The following CDH23 variants were observed in gnomAD, a reference collection of about 807,000 sequenced individuals.
CDH23 encodes the protein cadherin related 23.
In CDH23, 189 loss-of-function variants were observed where a neutral mutation model predicts 317.1. That is an observed-to-expected ratio of 0.60 (90% CI 0.53 to 0.67). CDH23 has a LOEUF of 0.67. Ranked by LOEUF, CDH23 falls within the 30% of genes least tolerant of loss-of-function variation. CDH23 has a pLI of 0.00. For missense variants in CDH23, 4,401 were observed against 4,592.4 expected, an observed-to-expected ratio of 0.96 and a Z score of 1.20; for synonymous variants, 1,839 against 1,876.8, an observed-to-expected ratio of 0.98 and a Z score of 0.52.
Position 71,803,005 on chromosome 10 carries a change from C to A in CDH23, c.7590C>A (p.Thr2530=), listed in dbSNP as rs748384994. Residue 2530 remains threonine (T), a synonymous_variant, in exon 54 of 70, where the codon ACC becomes ACA. Transcript: ENST00000224721. The stretch of plus-strand genomic sequence containing the variant: ...AGCCGGCGGGCACCTCGGTCATCAC[C>A]ATGATGGCCACTGACCAGGATGAAG... The part of the protein sequence containing the change: ...ENEPAGTSVI[T]MMATDQDEGP... The A allele has an allele frequency of 3.7e-6, 6 of 1,613,828 alleles. No homozygotes were observed. Among genetic ancestry groups the A allele is most frequent in the Non-Finnish European group, 5.1e-6 (6 of 1,179,882 alleles).
intron 9 of CDH23, among the ~76,000 whole-genome samples, chr10:71,583,639 G>A (rs1044522211): frequency 2.0e-5 from 3 of 152,154 alleles, no homozygotes; most frequent in Non-Finnish European, 2.9e-5. Context: ...TGCTGAAAAG[G>A]CTTAATCTCT....
rs755392868 is a variant in CDH23 at position 71,811,523 on chromosome 10, G to A, written c.9211G>A (p.Val3071Ile). The change falls in exon 64 of 70, where the codon GTC becomes ATC. Residue 3071 changes from valine (V) to isoleucine (I), a missense_variant. This residue lies in a region of CDH23 where 1,144 missense variants were observed against 1,138.2 expected (regional missense o/e 1.01). Transcript: ENST00000224721. ...DMSALQMAII[V>I]LAILLFLAAM... ...CCTGCTCCCGCAGATGGCGATCATC[G>A]TCCTGGCTATCCTCCTGTTCCTGGC... 6 of 1,613,906 alleles carry A rather than the reference G, an allele frequency of 3.7e-6. No individual in the cohort carries two copies. Among genetic ancestry groups the A allele is most frequent in the East Asian group, 4.5e-5 (2 of 44,868 alleles).
chr10:71,398,806 CCCG>C (rs1171500483), intron 1 of CDH23, among the ~76,000 whole-genome samples: 1 of 152,040 alleles, frequency 6.6e-6, no homozygotes, highest in African/African-American at 2.4e-5. Flanking sequence ...GTGGGTGTCC[CCCG>C]TGAGTTGGGA....
intron 20 of CDH23, 61 bp downstream of exon 20, chr10:71,690,645 C>A: frequency 8.1e-7 from 1 of 1,241,300 alleles, no homozygotes; most frequent in Non-Finnish European, 1.2e-6. Context: ...TGTCCATACC[C>A]GGCCCCAGGA....
chr10:71,398,941 A>G lies in CDH23; in HGVS notation c.-6+1623A>G, dbSNP rs1446126122. On this transcript the variant is annotated intron_variant, in intron 1 of 69. Coordinates refer to ENST00000224721, the MANE Select transcript of CDH23 (RefSeq NM_022124.6). ...GGCCCCGTCTGTGCTGGGTCCGCAT[A>G]TACTTCTCAGACTTGGCCTTCCTCA... 2.0e-5 allele frequency among the ~76,000 whole-genome samples: 3 copies of G among 152,084 alleles called. No homozygotes were observed. In the South Asian group the frequency reaches 6.2e-4, roughly 32 times the overall value.
intron 53 of CDH23, among the ~76,000 whole-genome samples, chr10:71,801,186 A>C (rs1841550528): frequency 1.1e-5 from 1 of 94,144 alleles, no homozygotes; most frequent in Non-Finnish European, 1.9e-5. Flanking sequence ...ATGGAGTTTC[A>C]CTCTTGTTGC....
chr10:71,566,688 G>T (rs1857419923), intron 6 of CDH23, 54 bp from the exon 7 acceptor site: 4 of 1,486,780 alleles, frequency 2.7e-6, no homozygotes, highest in Admixed American at 3.9e-5. Context: ...AGCCCTGATG[G>T]CGCAGCTGCT....
At chr10:71,687,585 G>A (rs1361791111) in intron 18 of CDH23, 62 bp from the exon 19 acceptor site, 3 of 1,487,186 alleles carry the variant, frequency 2.0e-6, no homozygotes, top group Non-Finnish European at 2.8e-6. Flanking sequence ...GCCCACCTTA[G>A]ACATCTGGCC....
At chr10:71,572,294 CT>C (rs143982700) in intron 8 of CDH23, among the ~76,000 whole-genome samples, 6,501 of 152,258 alleles carry the variant, frequency 0.043, 285 homozygotes, top group African/African-American at 0.11. Context: ...CTCTCTGCCC[CT>C]AGCCCAACTT....
At chr10:71,653,174 A>C (rs2132614439) in intron 14 of CDH23, among the ~76,000 whole-genome samples, 1 of 152,284 alleles carries the variant, frequency 6.6e-6, no homozygotes, top group Non-Finnish European at 1.5e-5. Flanking sequence ...ATCAGCAGAC[A>C]GCCCTGCTGC....
chr10:71,476,685 T>C (rs1313530196), intron 3 of CDH23, among the ~76,000 whole-genome samples: 1 of 152,164 alleles, frequency 6.6e-6, no homozygotes, highest in African/African-American at 2.4e-5. Context: ...GACAGAAGGG[T>C]GTATCGTAGA....
intron 6 of CDH23, among the ~76,000 whole-genome samples, chr10:71,512,745 C>T (rs1854068350): frequency 6.6e-6 from 1 of 152,220 alleles, no homozygotes; most frequent in African/African-American, 2.4e-5. Context: ...AACACTCGGC[C>T]CTGTTGGAAT....
At chr10:71,718,065 T>C (rs1716260332) in intron 28 of CDH23, among the ~76,000 whole-genome samples, 1 of 152,210 alleles carries the variant, frequency 6.6e-6, no homozygotes, top group Non-Finnish European at 1.5e-5. Context: ...TGATTTCCCT[T>C]TAACCTTGGG....
At chr10:71,601,844 C>T (rs1174251603) in intron 9 of CDH23, among the ~76,000 whole-genome samples, 1 of 152,208 alleles carries the variant, frequency 6.6e-6, no homozygotes, top group East Asian at 1.9e-4. Flanking sequence ...GGAGAAAACC[C>T]TGAGGCCCAG....
chr10:71,422,473 C>T (rs985373974), intron 1 of CDH23, among the ~76,000 whole-genome samples: 1 of 152,224 alleles, frequency 6.6e-6, no homozygotes, highest in Non-Finnish European at 1.5e-5. Context: ...GTTTAGCACA[C>T]AGTAGGCTCA....
intron 14 of CDH23, among the ~76,000 whole-genome samples, chr10:71,670,369 C>A (rs888629807): frequency 2.6e-5 from 4 of 152,192 alleles, no homozygotes; most frequent in African/African-American, 9.7e-5. Flanking sequence ...GGGGGTACTA[C>A]ATACGATGCA....
Position 71,807,326 on chromosome 10 carries a change from G to A in CDH23, c.8228G>A (p.Arg2743His), listed in dbSNP as rs1269272160. The A allele has an allele frequency of 5.0e-6, 8 of 1,613,872 alleles. No homozygotes were observed. The highest frequency in any genetic ancestry group is 1.7e-5 in the Admixed American group (1 of 60,010). The change falls in exon 58 of 70, where the codon CGC becomes CAC. Residue 2743 changes from arginine (R) to histidine (H), a missense_variant. Arg to His is a conservative substitution (Grantham distance 29). Transcript: ENST00000224721. ...CTGACAGTGCCTGAGCACTCACCAC[G>A]CGGCACCCTCGTGGGCAACGTGACA... ...QLLTVPEHSP[R>H]GTLVGNVTGA...
At chr10:71,699,726 T>A (rs1865515296) in intron 22 of CDH23, among the ~76,000 whole-genome samples, 2 of 151,972 alleles carry the variant, frequency 1.3e-5, no homozygotes, top group South Asian at 4.2e-4. Context: ...AGGAGAAAAA[T>A]GACGGGCGTG....
Position 71,707,169 on chromosome 10 carries a change from C to T in CDH23, c.3106+120C>T, listed in dbSNP as rs76703258. On this transcript the variant is annotated intron_variant, in intron 26 of 69. Transcript: ENST00000224721. Reference sequence around the variant, plus strand: ...GGGTGGAAAAGAGGTCAGGGCTCTACTGTTGGGCTTTAGCCTCTGGTGGTG... The same window carrying T: ...GGGTGGAAAAGAGGTCAGGGCTCTATTGTTGGGCTTTAGCCTCTGGTGGTG... The T allele has an allele frequency of 2.5e-4, 384 of 1,539,856 alleles. 1 individual carries two copies. The African/African-American group carries it at 4.7e-3, about 19-fold the overall frequency.
Sources: gnomAD v4.1 joint callset for allele counts (sites outside exome capture counted in the v4.1 genomes callset) on GRCh38, gnomAD v4.1.1 for gene constraint, gnomAD v4.1.1 regional missense constraint, MANE v1.5 for transcripts, NCBI Gene and HGNC (gene_info 2026-07-23, HGNC 2026-07-21) for gene names.